Variants in LRRC8A observed in about 807,000 individuals in gnomAD.
LRRC8A encodes the protein volume-regulated anion channel subunit LRRC8A.
A neutral mutation model predicts 52.5 loss-of-function variants in LRRC8A; 24 were observed. That is an observed-to-expected ratio of 0.46 (90% CI 0.33 to 0.64). LRRC8A has a LOEUF of 0.64. LRRC8A is among the 30% of genes least tolerant of loss of function. The pLI, the probability that LRRC8A is intolerant of heterozygous loss-of-function variation, is 0.02. For synonymous variants in LRRC8A, 492 were observed against 494.2 expected (o/e 1.00, Z 0.06); for missense variants, 677 against 1,094.7 (o/e 0.62, Z 5.38).
At chr9:128,896,302 A>T (rs900519853) in intron 2 of LRRC8A, among the ~76,000 whole-genome samples, 6 of 152,386 alleles carry the variant, frequency 3.9e-5, no homozygotes, top group Non-Finnish European at 5.9e-5. Flanking sequence ...GATTAGAACA[A>T]CGTATCCTTT....
At chr9:128,912,847 G>C (rs1455233898) in intron 3 of LRRC8A, 2 of 152,370 alleles carry the variant, frequency 1.3e-5, no homozygotes, top group African/African-American at 4.8e-5. Context: ...ACGGATCTGG[G>C]AGACGCTGGA....
At chr9:128,890,317 T>A (rs1839565637) in intron 2 of LRRC8A, among the ~76,000 whole-genome samples, 1 of 152,272 alleles carries the variant, frequency 6.6e-6, no homozygotes, top group Admixed American at 6.5e-5. Context: ...CAAGTTTGTC[T>A]ACATCTAAAC....
intron 2 of LRRC8A, among the ~76,000 whole-genome samples, chr9:128,888,198 C>G (rs758036125): frequency 2.0e-5 from 3 of 152,180 alleles, no homozygotes; most frequent in Non-Finnish European, 2.9e-5. Context: ...ACTCTGTCCC[C>G]TGGAGAGAGG....
At chr9:128,914,426 A>G (rs932541389) in intron 3 of LRRC8A, among the ~76,000 whole-genome samples, 1 of 152,080 alleles carries the variant, frequency 6.6e-6, no homozygotes, top group Non-Finnish European at 1.5e-5. Context: ...CCTTTTACAA[A>G]TGGGGAAACT....
chr9:128,891,426 G>A (rs1373646389), intron 2 of LRRC8A, among the ~76,000 whole-genome samples: 1 of 152,294 alleles, frequency 6.6e-6, no homozygotes, highest in African/African-American at 2.4e-5. Context: ...GCCAGGTGTG[G>A]TGGCACATGC....
intron 2 of LRRC8A, among the ~76,000 whole-genome samples, chr9:128,886,448 G>A (rs1247273437): frequency 1.3e-5 from 2 of 152,200 alleles, no homozygotes; most frequent in Non-Finnish European, 2.9e-5. Flanking sequence ...TTTCCCAAGT[G>A]TGTTCCATGA....
chr9:128,882,808 G>C, intron 1 of LRRC8A: 1 of 398,784 alleles, frequency 2.5e-6, no homozygotes. Context: ...GGGAAGACCG[G>C]TCCGGAATCT....
At position 128,908,121 on chromosome 9, in the gene LRRC8A, G is replaced by A. The variant is rs1170730777; in HGVS notation, c.957G>A (p.Lys319=). 1.2e-6 allele frequency: 2 copies of A among 1,614,016 alleles called. No homozygotes were observed. The highest frequency in any genetic ancestry group is 1.7e-6 in the Non-Finnish European group (2 of 1,180,038). ...CCCACCCCCTGGCCACACTCTTCAA[G>A]ATCCTGGCGTCCTTCTACATCAGCC... ...RCAHPLATLF[K]ILASFYISLV... is the part of the protein sequence containing the mutation. Residue 319 remains lysine, a synonymous_variant, in exon 3 of 4, where the codon AAG becomes AAA. Transcript: ENST00000372600.
chr9:128,897,836 G>C (rs1839875222), intron 2 of LRRC8A, among the ~76,000 whole-genome samples: 1 of 151,902 alleles, frequency 6.6e-6, no homozygotes, highest in African/African-American at 2.4e-5. Context: ...ACACCTCCGT[G>C]CCTGGCAAAA....
At chr9:128,893,155 G>A (rs915141856) in intron 2 of LRRC8A, among the ~76,000 whole-genome samples, 5 of 152,112 alleles carry the variant, frequency 3.3e-5, no homozygotes, top group African/African-American at 1.2e-4. Context: ...TCTGCCACAC[G>A]GGGTCCTGAG....
rs1162124161 is a variant in LRRC8A, at chr9:128,916,297, G to A, written c.2359G>A (p.Glu787Lys). 1 of 1,613,288 alleles carries A rather than the reference G, an allele frequency of 6.2e-7. No homozygotes were observed. ...GCTCAAGCGCAGCGGCTTGGTGGTG[G>A]AGGAGGACCTGTTCAACACACTGCC... The part of the protein sequence containing the change: ...PLLKRSGLVV[E>K]EDLFNTLPPE... Residue 787 changes from glutamate to lysine, a missense_variant, in exon 4 of 4, where the codon GAG becomes AAG. Physicochemically the swap from Glu to Lys is moderately conservative, Grantham distance 56. This residue lies in a region of LRRC8A where 169 missense variants were observed against 217.6 expected (regional missense o/e 0.78). Transcript: ENST00000372600. The surrounding 1 kb of genome is among the most constrained non-coding windows in gnomAD (Gnocchi z 6.1).
At chr9:128,887,510 T>C (rs1319469720) in intron 2 of LRRC8A, among the ~76,000 whole-genome samples, 1 of 152,106 alleles carries the variant, frequency 6.6e-6, no homozygotes. Flanking sequence ...CTGCTGATTC[T>C]CATCTTCAGA....
chr9:128,889,689 G>A (rs139398598), intron 2 of LRRC8A, among the ~76,000 whole-genome samples: 3,085 of 151,530 alleles, frequency 0.02, 112 homozygotes, highest in African/African-American at 0.071. Context: ...GAGACGGGGT[G>A]TCACCATATT....
intron 1 of LRRC8A, 156 bp downstream of exon 1, chr9:128,882,406 C>A: frequency 3.5e-6 from 1 of 284,206 alleles, no homozygotes; most frequent in Middle Eastern, 9.9e-4. Flanking sequence ...GTTCGGCCTA[C>A]CTCTGGGCTC....
At chr9:128,896,355 T>C (rs1027880222) in intron 2 of LRRC8A, among the ~76,000 whole-genome samples, 1 of 152,248 alleles carries the variant, frequency 6.6e-6, no homozygotes, top group African/African-American at 2.4e-5. Context: ...TTTTTTGCTA[T>C]TACAAACAAT....
chr9:128,883,054 C>T (rs1201035734), intron 1 of LRRC8A: 2 of 337,262 alleles, frequency 5.9e-6, no homozygotes, highest in Non-Finnish European at 1.1e-5. Flanking sequence ...CGGTTCTCAG[C>T]TGTTGCGATT....
intron 2 of LRRC8A, among the ~76,000 whole-genome samples, chr9:128,897,220 C>T (rs1225714882): frequency 1.3e-5 from 2 of 152,012 alleles, no homozygotes; most frequent in Admixed American, 1.3e-4. Flanking sequence ...TTAAGACAGT[C>T]TCTGATTTTT....
intron 1 of LRRC8A, among the ~76,000 whole-genome samples, chr9:128,884,325 C>T (rs889457996): frequency 5.9e-5 from 9 of 152,300 alleles, no homozygotes; most frequent in Non-Finnish European, 1.2e-4. Context: ...GGGCCAAGAC[C>T]TCTTGGAGAT....
At chr9:128,889,949 T>C (rs1839540112) in intron 2 of LRRC8A, among the ~76,000 whole-genome samples, 1 of 151,886 alleles carries the variant, frequency 6.6e-6, no homozygotes, top group Non-Finnish European at 1.5e-5. Context: ...ATTACAGATG[T>C]GCACCACCAC....
Sources: gnomAD v4.1 joint callset for allele counts (sites outside exome capture counted in the v4.1 genomes callset) on GRCh38, gnomAD v4.1.1 for gene constraint, gnomAD v4.1.1 regional missense constraint, Gnocchi (gnomAD v3.1) non-coding constraint, MANE v1.5 for transcripts, NCBI Gene and HGNC (gene_info 2026-07-23, HGNC 2026-07-21) for gene names.